NOM1: variants seen among roughly 807,000 people sequenced by gnomAD.
NOM1 encodes the protein nucleolar MIF4G domain-containing protein 1.
In NOM1, 58 loss-of-function variants were observed where a neutral mutation model predicts 73.3. The observed-to-expected ratio is 0.79, with a 90% CI of 0.64 to 0.99. The LOEUF (loss-of-function observed/expected upper bound fraction) is 0.99, where lower values mean the gene tolerates loss of function less well. Ranked by LOEUF, NOM1 falls within the 50% of genes least tolerant of loss-of-function variation. NOM1 has a pLI of 0.00. For missense variants in NOM1, 1,226 were observed against 1,131.9 expected (o/e 1.08, Z -1.19); for synonymous variants, 487 against 446.8 (o/e 1.09, Z -1.14).
rs1805099592 is a variant in NOM1 at position 156,969,828 on chromosome 7, T to C, written c.*125T>C. 1 of 921,484 alleles carries C rather than the reference T, an allele frequency of 1.1e-6. No homozygotes were observed. Among genetic ancestry groups the C allele is most frequent in the South Asian group, 2.3e-5 (1 of 42,752 alleles). 57.1% of individuals were successfully genotyped at this position (921,484 alleles called of 1,614,324 possible). On this transcript the variant is annotated 3_prime_UTR_variant, in exon 11 of 11. Transcript: ENST00000275820. ...TATATCATTGTCTGTTAATGTATTA[T>C]ATTTTGAGATTTTTTTTGATCTAAG...
intron 5 of NOM1, among the ~76,000 whole-genome samples, chr7:156,962,506 C>T (rs973625078): frequency 2.0e-5 from 3 of 152,172 alleles, no homozygotes; most frequent in African/African-American, 7.2e-5. Context: ...TTGCCTCACC[C>T]CGGGTGCTAA....
intron 3 of NOM1, among the ~76,000 whole-genome samples, chr7:156,958,399 C>T (rs749343247): frequency 2.8e-4 from 42 of 152,186 alleles, no homozygotes; most frequent in African/African-American, 9.9e-4. Flanking sequence ...ATCCCTGGTC[C>T]AGCGCAGCTG....
At chr7:156,963,423 TGAG>T in intron 6 of NOM1, 1 of 544,392 alleles carries the variant, frequency 1.8e-6, no homozygotes, top group Non-Finnish European at 3.3e-6. Flanking sequence ...GGGGAGCGCA[TGAG>T]GACCTGAACG....
intron 9 of NOM1, 68 bp downstream of exon 9, chr7:156,967,160 A>G (rs761474925): frequency 9.1e-5 from 140 of 1,542,138 alleles, no homozygotes; most frequent in Middle Eastern, 8.6e-4. Context: ...TACCTGGTAA[A>G]TCAGGTCCTG....
chr7:156,958,035 A>G (rs1405594686), intron 3 of NOM1, among the ~76,000 whole-genome samples: 1 of 152,220 alleles, frequency 6.6e-6, no homozygotes, highest in African/African-American at 2.4e-5. Context: ...GGCCTCCAGG[A>G]AGTCACTGTG....
At chr7:156,967,698 T>A (rs1473595382) in intron 9 of NOM1, among the ~76,000 whole-genome samples, 2 of 152,188 alleles carry the variant, frequency 1.3e-5, no homozygotes, top group African/African-American at 4.8e-5. Flanking sequence ...CTAATTTTTG[T>A]ATTTTTAATA....
chr7:156,966,750 G>T (rs924740588), intron 8 of NOM1, among the ~76,000 whole-genome samples: 14 of 144,290 alleles, frequency 9.7e-5, no homozygotes, highest in Non-Finnish European at 1.8e-4. Flanking sequence ...CTGCTGATTT[G>T]GGGGGAAGAA....
In NOM1 at chr7:156,962,156, G is replaced by T. The variant is rs142959734; in HGVS notation, c.1638G>T (p.Arg546=). Residue 546 remains arginine (R), a synonymous_variant, in exon 5 of 11, where the codon CGG becomes CGT. Coordinates refer to ENST00000275820, the MANE Select transcript of NOM1 (RefSeq NM_138400.2). ...GSEFQDQTRI[R]FMLETMLALK... is the part of the protein sequence containing the mutation. The stretch of plus-strand genomic sequence containing the variant: ...TTTTTTCATTTTTCTTGAAGATTCG[G>T]TTTATGCTAGAGACGATGTTGGCCC... 9.7e-4 allele frequency: 1,566 copies of T among 1,613,586 alleles called. 2 individuals are homozygous for T. Among genetic ancestry groups the T allele is most frequent in the Non-Finnish European group, 1.1e-3 (1,356 of 1,179,582 alleles).
rs1804995873 is a variant in NOM1 at position 156,966,341 on chromosome 7, C to G, written c.2105C>G (p.Thr702Ser). The G allele has an allele frequency of 1.2e-6, 2 of 1,614,206 alleles. No individual in the cohort carries two copies. The highest frequency in any genetic ancestry group is 1.7e-6 in the Non-Finnish European group (2 of 1,180,014). The change falls in exon 8 of 11, where the codon ACT (threonine) becomes AGT (serine). Residue 702 changes from threonine to serine, a missense_variant. Physicochemically the swap from Thr to Ser is moderately conservative, Grantham distance 58 (BLOSUM62 1). Transcript: ENST00000275820. The part of the protein sequence containing the change: ...VLMDCCLQEK[T>S]YNPFYAFLAS... The stretch of plus-strand genomic sequence containing the variant: ...ATGGATTGCTGCCTTCAAGAGAAAA[C>G]TTACAATCCCTTCTATGCTTTCCTG...
Position 156,950,034 on chromosome 7 carries a change from G to C in NOM1, c.297G>C (p.Gln99His). 1 of 1,542,456 alleles carries C rather than the reference G, an allele frequency of 6.5e-7. No homozygotes were observed. The highest frequency in any genetic ancestry group is 8.7e-7 in the Non-Finnish European group (1 of 1,146,880). The change falls in exon 1 of 11, where the codon CAG (glutamine) becomes CAC (histidine). Residue 99 changes from glutamine to histidine, a missense_variant. Physicochemically the swap from Gln to His is conservative, Grantham distance 24. Transcript: ENST00000275820. ...KRHLRKARRL[Q>H]RTAGPEQGPG... Reference sequence around the variant, plus strand: ...ACCTGCGGAAAGCACGCCGGCTGCAGAGGACGGCGGGCCCCGAACAGGGTC... The same window carrying C: ...ACCTGCGGAAAGCACGCCGGCTGCACAGGACGGCGGGCCCCGAACAGGGTC...
At chr7:156,954,401 T>G (rs1804668318) in intron 3 of NOM1, 103 bp downstream of exon 3, 2 of 934,110 alleles carry the variant, frequency 2.1e-6, no homozygotes, top group Non-Finnish European at 3.0e-6. Flanking sequence ...GTGGTTCTTG[T>G]GTCGATTCCT....
At position 156,949,984 on chromosome 7, in the gene NOM1, A is replaced by G; in HGVS notation, c.247A>G (p.Lys83Glu). 6.5e-7 allele frequency: 1 copy of G among 1,540,638 alleles called. No homozygotes were observed. Among genetic ancestry groups the G allele is most frequent in the Non-Finnish European group, 8.7e-7 (1 of 1,146,734 alleles). Residue 83 changes from lysine (K) to glutamate (E), a missense_variant, in exon 1 of 11, where the codon AAG becomes GAG. Physicochemically the swap from Lys to Glu is moderately conservative, Grantham distance 56 (BLOSUM62 1). Coordinates refer to ENST00000275820, the MANE Select transcript of NOM1 (RefSeq NM_138400.2). Reference protein sequence around the residue: ...SFRPGGRKSRKELRKEKRHLR... With the variant: ...SFRPGGRKSREELRKEKRHLR... ...TCGCCCGGGAGGGAGAAAAAGCCGT[A>G]AGGAACTGAGGAAGGAGAAGCGGCA... is the stretch of plus-strand genomic sequence containing the variant.
At position 156,949,846 on chromosome 7, in the gene NOM1, G is replaced by C. The variant is rs769820650; in HGVS notation, c.109G>C (p.Gly37Arg). ...CGGGCCGCGCCGCGGTCCTGCTGGCGGTGGGGAGAAGGCCCTGAAGAGGCT... is the reference window on the plus strand; with the variant it reads ...CGGGCCGCGCCGCGGTCCTGCTGGCCGTGGGGAGAAGGCCCTGAAGAGGCT... ...GRGPRRGPAG[G>R]GEKALKRLKL... Residue 37 changes from glycine to arginine, a missense_variant, in exon 1 of 11, where the codon GGT becomes CGT. Gly to Arg is a moderately radical substitution (Grantham distance 125). Transcript: ENST00000275820. 8 of 1,467,126 alleles carry C rather than the reference G, an allele frequency of 5.5e-6. No individual in the cohort carries two copies. The African/African-American group carries it at 7.2e-5, about 13-fold the overall frequency. The allele number at this position is 1,467,126 out of a possible 1,614,324, so 90.9% of individuals were successfully genotyped here.
intron 9 of NOM1, chr7:156,968,863 T>C: frequency 4.1e-6 from 2 of 482,470 alleles, no homozygotes; most frequent in South Asian, 4.5e-5. Context: ...TTCTCAACGG[T>C]GGCTGTGGCC....
At position 156,969,930 on chromosome 7, in the gene NOM1, G is replaced by A; in HGVS notation, c.*227G>A. On this transcript the variant is annotated 3_prime_UTR_variant, in exon 11 of 11. Coordinates refer to ENST00000275820, the MANE Select transcript of NOM1 (RefSeq NM_138400.2). Reference sequence around the variant, plus strand: ...GAGGAGAAGGAGGGAGGGAAAAGGGGTCAGGCACACTGGACAGGGTTCTCT... The same window carrying A: ...GAGGAGAAGGAGGGAGGGAAAAGGGATCAGGCACACTGGACAGGGTTCTCT... 1 of 369,638 alleles carries A rather than the reference G, an allele frequency of 2.7e-6. No individual in the cohort carries two copies. Among genetic ancestry groups the A allele is most frequent in the Non-Finnish European group, 4.9e-6 (1 of 204,620 alleles). The allele number at this position is 369,638 out of a possible 1,614,324, so 22.9% of individuals were successfully genotyped here.
intron 1 of NOM1, among the ~76,000 whole-genome samples, chr7:156,951,059 G>C (rs1005084895): frequency 2.6e-5 from 4 of 152,120 alleles, no homozygotes; most frequent in Non-Finnish European, 5.9e-5. Context: ...GAGTATCCGA[G>C]GACATCTGCC....
intron 8 of NOM1, among the ~76,000 whole-genome samples, chr7:156,966,711 G>A (rs1021861440): frequency 6.6e-6 from 1 of 152,176 alleles, no homozygotes; most frequent in African/African-American, 2.4e-5. Flanking sequence ...CCTTGCTGTG[G>A]CCTTTTCCTT....
At chr7:156,968,330 C>A (rs565949584) in intron 9 of NOM1, among the ~76,000 whole-genome samples, 1 of 152,146 alleles carries the variant, frequency 6.6e-6, no homozygotes, top group African/African-American at 2.4e-5. Flanking sequence ...AGATGCCCCC[C>A]GCCCTGCCCC....
rs1027182055 is a variant in NOM1, at chr7:156,954,218, A to T, written c.1228A>T (p.Thr410Ser). 1 of 1,613,844 alleles carries T rather than the reference A, an allele frequency of 6.2e-7. No homozygotes were observed. The highest frequency in any genetic ancestry group is 1.1e-5 in the South Asian group (1 of 91,036). Reference sequence around the variant, plus strand: ...CTCCGCTCTCATGGGTGCCTGCGTCACTGCCTCGGCCATGCCCAGCAGACT... The same window carrying T: ...CTCCGCTCTCATGGGTGCCTGCGTCTCTGCCTCGGCCATGCCCAGCAGACT... ...LTSALMGACV[T>S]ASAMPSRLMM... is the part of the protein sequence containing the mutation. Residue 410 changes from threonine to serine, a missense_variant, in exon 3 of 11, where the codon ACT becomes TCT. Coordinates refer to ENST00000275820, the MANE Select transcript of NOM1 (RefSeq NM_138400.2).
Sources: gnomAD v4.1 joint callset for allele counts (sites outside exome capture counted in the v4.1 genomes callset) on GRCh38, gnomAD v4.1.1 for gene constraint, MANE v1.5 for transcripts, NCBI Gene and HGNC (gene_info 2026-07-23, HGNC 2026-07-21) for gene names.